Variants in PTGIR observed in about 807,000 individuals in gnomAD.
PTGIR encodes prostacyclin receptor.
Under a neutral mutation model 17.6 loss-of-function variants are expected in PTGIR, and 16 were observed. The ratio of observed to expected loss-of-function variants is 0.91; its 90% confidence interval spans 0.61 to 1.38. PTGIR has a LOEUF of 1.38. Ranked by LOEUF, PTGIR falls within the 40% of genes most tolerant of loss-of-function variation. The pLI is 0.00. For missense variants in PTGIR, 532 were observed against 548.6 expected, an observed-to-expected ratio of 0.97 and a Z score of 0.30; for synonymous variants, 274 against 255.4, an observed-to-expected ratio of 1.07 and a Z score of -0.69.
chr19:46,615,253 T>C, the PTGIR span, among the ~76,000 whole-genome samples: 1 of 152,212 alleles, frequency 6.6e-6, no homozygotes, highest in Non-Finnish European at 1.5e-5. Context: ...ATTATTTACA[T>C]AGCATTTGCA....
At chr19:46,613,070 T>C in the PTGIR span, among the ~76,000 whole-genome samples, 4 of 108,760 alleles carry the variant, frequency 3.7e-5, no homozygotes, top group Admixed American at 2.7e-4. Context: ...TGAGATGGAG[T>C]CTCACTCTTG....
chr19:46,621,718 C>T lies in PTGIR; in HGVS notation c.769-46G>A, dbSNP rs769618203. Reference sequence around the variant, plus strand: ...TCAAGGAGCACCCAGGAGTCCTCAGCCTCCCCACCCTGGCTCCCTCCTCCC... The same window carrying T: ...TCAAGGAGCACCCAGGAGTCCTCAGTCTCCCCACCCTGGCTCCCTCCTCCC... On this transcript the variant is annotated intron_variant, in intron 2 of 2. Transcript: ENST00000291294. This position sits in a 1 kb window ranked among gnomAD's most constrained non-coding sequence, Gnocchi z 4.8. 6.4e-7 allele frequency: 1 copy of T among 1,562,316 alleles called. No homozygotes were observed. Among genetic ancestry groups the T allele is most frequent in the Non-Finnish European group, 8.7e-7 (1 of 1,152,392 alleles).
Position 46,620,518 on chromosome 19 carries a change from C to T in PTGIR, c.*762G>A. 1 of 985,432 alleles carries T rather than the reference C, an allele frequency of 1.0e-6. No individual in the cohort carries two copies. Among genetic ancestry groups the T allele is most frequent in the Non-Finnish European group, 1.2e-6 (1 of 829,958 alleles). 61.0% of individuals were successfully genotyped at this position (985,432 alleles called of 1,614,324 possible). A position where few individuals can be genotyped will look rare whatever the true frequency, so the allele number is the denominator to read the frequency against. On this transcript the variant is annotated 3_prime_UTR_variant, in exon 3 of 3. Coordinates refer to ENST00000291294, the MANE Select transcript of PTGIR (RefSeq NM_000960.4). ...TTATTCAGGACCCTGGGGACAGGCA[C>T]AGGACTTAGGTTTGTGTTCTGGGGC...
chr19:46,615,894 C>T (rs118168319), downstream of PTGIR, among the ~76,000 whole-genome samples: 1,659 of 150,352 alleles, frequency 0.011, 13 homozygotes, highest in Non-Finnish European at 0.016. Context: ...ATCAACCTCC[C>T]GGACCCAAGC....
chr19:46,622,174 A>G, intron 2 of PTGIR: 1 of 985,382 alleles, frequency 1.0e-6, no homozygotes, highest in Middle Eastern at 5.2e-4. Context: ...CAGGTGTCAC[A>G]GACACTGAGT....
rs1313960475 is a variant in PTGIR, at chr19:46,623,658, C to T, written c.568G>A (p.Gly190Ser). 8 of 1,548,024 alleles carry T rather than the reference C, an allele frequency of 5.2e-6. No homozygotes were observed. Among genetic ancestry groups the T allele is most frequent in the Non-Finnish European group, 6.1e-6 (7 of 1,148,356 alleles). The change falls in exon 2 of 3, where the codon GGC (glycine) becomes AGC (serine). Residue 190 changes from glycine to serine, a missense_variant. Coordinates refer to ENST00000291294, the MANE Select transcript of PTGIR (RefSeq NM_000960.4). Reference protein sequence around the residue: ...GGAAFSLAYAGLVALLVAAIF... With the variant: ...GGAAFSLAYASLVALLVAAIF... ...GCAGCCACCAGCAGGGCCACCAGGC[C>T]GGCGTAGGCCAGCGAGAAGGCGGCG...
chr19:46,616,152 C>A (rs191512447), downstream of PTGIR, among the ~76,000 whole-genome samples: 66 of 151,886 alleles, frequency 4.3e-4, no homozygotes, highest in African/African-American at 1.5e-3. Flanking sequence ...GGATTGTGAA[C>A]GAGGTAGGGC....
chr19:46,621,925 A>G lies in PTGIR; in HGVS notation c.769-253T>C. On this transcript the variant is annotated intron_variant, in intron 2 of 2. Transcript: ENST00000291294. This position sits in a 1 kb window ranked among gnomAD's most constrained non-coding sequence, Gnocchi z 4.8. Reference sequence around the variant, plus strand: ...GGTCCCCCCACCCTTGGAAGCTGGGAGGACCCTCGGGCTCCACAGATTTTT... The same window carrying G: ...GGTCCCCCCACCCTTGGAAGCTGGGGGGACCCTCGGGCTCCACAGATTTTT... 7.7e-7 allele frequency: 1 copy of G among 1,293,106 alleles called. No individual in the cohort carries two copies. Among genetic ancestry groups the G allele is most frequent in the East Asian group, 3.1e-5 (1 of 32,648 alleles). 80.1% of individuals were successfully genotyped at this position (1,293,106 alleles called of 1,614,324 possible).
At chr19:46,615,313 G>A in the PTGIR span, among the ~76,000 whole-genome samples, 1 of 152,192 alleles carries the variant, frequency 6.6e-6, no homozygotes, top group Non-Finnish European at 1.5e-5. Context: ...GTATAAAGGA[G>A]GACGTATGTA....
Position 46,621,639 on chromosome 19 carries a change from T to G in PTGIR, c.802A>C (p.Ser268Arg). The change falls in exon 3 of 3, where the codon AGC becomes CGC. Residue 268 changes from serine (S) to arginine (R), a missense_variant. Transcript: ENST00000291294. The surrounding 1 kb of genome is among the most constrained non-coding windows in gnomAD (Gnocchi z 4.8). ...AGGAGGTCCCCCATCTCACTGCTGC[T>G]GTCAGGGGCGACAGCCTGGGTGAAG... ...RCFTQAVAPD[S>R]SSEMGDLLAF... 6.2e-7 allele frequency: 1 copy of G among 1,613,090 alleles called. No individual in the cohort carries two copies. The highest frequency in any genetic ancestry group is 8.5e-7 in the Non-Finnish European group (1 of 1,179,830).
chr19:46,622,233 C>A, intron 2 of PTGIR: 1 of 985,372 alleles, frequency 1.0e-6, no homozygotes, highest in Non-Finnish European at 1.2e-6. Flanking sequence ...AGGACGGGGT[C>A]CCCGCAGGAA....
At chr19:46,616,323 A>G (rs1159856976), downstream of PTGIR, among the ~76,000 whole-genome samples, 1 of 108,594 alleles carries the variant, frequency 9.2e-6, no homozygotes, top group Non-Finnish European at 1.8e-5. Flanking sequence ...CACGACAGAA[A>G]TGCTTTTTTT....
chr19:46,611,584 C>A, the PTGIR span, among the ~76,000 whole-genome samples: 2 of 152,226 alleles, frequency 1.3e-5, no homozygotes, highest in African/African-American at 2.4e-5. Flanking sequence ...GAAAGCTCAA[C>A]TTTCTCGTGG....
downstream of PTGIR, among the ~76,000 whole-genome samples, chr19:46,619,574 AGAGAGAGAG>A (rs1295438693): frequency 2.6e-4 from 33 of 127,910 alleles, no homozygotes; most frequent in African/African-American, 8.9e-4. Flanking sequence ...AGAGAGAGAG[AGAGAGAGAG>A]AAAGAAAGAA....
chr19:46,615,031 CA>C, the PTGIR span, among the ~76,000 whole-genome samples: 65 of 151,016 alleles, frequency 4.3e-4, no homozygotes, highest in Non-Finnish European at 6.8e-4. Context: ...CCCACCCCCC[CA>C]AAAAAAATTA....
In PTGIR at chr19:46,624,055, C is replaced by T. The variant is rs200813534; in HGVS notation, c.171G>A (p.Ala57=). The change falls in exon 2 of 3, where the codon GCG becomes GCA. Residue 57 remains alanine (A), a synonymous_variant. Transcript: ENST00000291294. ...SAFAVLVTGL[A]ATDLLGTSFL... ...AGCTGGTGCCCAGCAGGTCGGTGGC[C>T]GCCAGTCCGGTCACCAGCACCGCGA... is the stretch of plus-strand genomic sequence containing the variant. 3.7e-5 allele frequency: 57 copies of T among 1,537,484 alleles called. No individual in the cohort carries two copies. The highest frequency in any genetic ancestry group is 1.7e-4 in the Middle Eastern group (1 of 5,918).
chr19:46,623,593 G>T lies in PTGIR; in HGVS notation c.633C>A (p.Cys211Ter). ...LCNGSVTLSL[C>*]RMYRQQKRHQ... Reference sequence around the variant, plus strand: ...GGCGCTTCTGCTGGCGGTACATGCGGCAGAGGCTGAGGGTGACCGAGCCGT... The same window carrying T: ...GGCGCTTCTGCTGGCGGTACATGCGTCAGAGGCTGAGGGTGACCGAGCCGT... Residue 211 changes from cysteine to a stop codon, truncating the protein, a stop_gained, in exon 2 of 3, where the codon TGC becomes TGA. Transcript: ENST00000291294. LOFTEE classifies it high-confidence loss of function. The T allele has an allele frequency of 1.3e-6, 2 of 1,550,338 alleles. No individual in the cohort carries two copies. The highest frequency in any genetic ancestry group is 1.7e-6 in the Non-Finnish European group (2 of 1,147,616).
chr19:46,620,458 T>C (rs142687914), downstream of PTGIR: 11 of 985,420 alleles, frequency 1.1e-5, no homozygotes, highest in Admixed American at 6.1e-5. Context: ...TAAGGACACA[T>C]AACATGAGGT....
downstream of PTGIR, among the ~76,000 whole-genome samples, chr19:46,616,016 G>C (rs925880026): frequency 6.6e-6 from 1 of 151,948 alleles, no homozygotes; most frequent in African/African-American, 2.4e-5. Context: ...CACCCAAGCT[G>C]CTCTTGAACT....
Sources: gnomAD v4.1 joint callset for allele counts (sites outside exome capture counted in the v4.1 genomes callset) on GRCh38, gnomAD v4.1.1 for gene constraint, Gnocchi (gnomAD v3.1) non-coding constraint, MANE v1.5 for transcripts, NCBI Gene and HGNC (gene_info 2026-07-23, HGNC 2026-07-21) for gene names.